KCNS3: variants seen among roughly 807,000 people sequenced by gnomAD.
The protein encoded by KCNS3 is delayed-rectifier potassium channel regulatory subunit KCNS3.
Under a neutral mutation model 31.0 loss-of-function variants are expected in KCNS3, and 13 were observed. That is an observed-to-expected ratio of 0.42 (90% CI 0.27 to 0.67). The LOEUF is 0.67. KCNS3 is among the 30% of genes least tolerant of loss of function. The probability of loss-of-function intolerance (pLI) is 0.25; values close to 1 mark genes in which losing one functional copy is unlikely to be tolerated. For missense variants in KCNS3, 545 were observed against 622.4 expected (o/e 0.88, Z 1.32); for synonymous variants, 238 against 241.5 (o/e 0.99, Z 0.13).
upstream of KCNS3, among the ~76,000 whole-genome samples, chr2:17,878,434 GGGC>G (rs1674555990): frequency 6.6e-6 from 1 of 151,834 alleles, no homozygotes; most frequent in Non-Finnish European, 1.5e-5. Context: ...GCGGCCGGCA[GGGC>G]AGCATCTAGG....
chr2:17,912,457 A>G (rs1662492851), intron 1 of KCNS3, among the ~76,000 whole-genome samples: 1 of 152,232 alleles, frequency 6.6e-6, no homozygotes, highest in Non-Finnish European at 1.5e-5. Flanking sequence ...TTCTGTGGCC[A>G]GGAGCAGTTG....
intron 1 of KCNS3, among the ~76,000 whole-genome samples, chr2:17,897,140 G>A (rs536703035): frequency 6.6e-6 from 1 of 152,138 alleles, no homozygotes; most frequent in Non-Finnish European, 1.5e-5. Flanking sequence ...GTGAGAACAT[G>A]TGGTATTTGA....
intron 2 of KCNS3, among the ~76,000 whole-genome samples, chr2:17,929,919 C>T (rs1662918035): frequency 6.6e-6 from 1 of 152,184 alleles, no homozygotes; most frequent in Non-Finnish European, 1.5e-5. Flanking sequence ...GACTGAATGA[C>T]ATAATGTGTA....
At chr2:17,911,421 A>C (rs1446295762) in intron 1 of KCNS3, among the ~76,000 whole-genome samples, 3 of 152,164 alleles carry the variant, frequency 2.0e-5, no homozygotes, top group Non-Finnish European at 1.5e-5. Flanking sequence ...TTTGATATCT[A>C]TCTCATTCCC....
chr2:17,930,920 A>G (rs1308844194), intron 2 of KCNS3, 30 bp from the exon 3 acceptor site: 32 of 1,451,458 alleles, frequency 2.2e-5, no homozygotes, highest in Non-Finnish European at 2.9e-5. Context: ...GGCAGGACAG[A>G]GTGCTAATAT....
At chr2:17,885,268 TG>T (rs1661617196) in intron 1 of KCNS3, among the ~76,000 whole-genome samples, 2 of 152,172 alleles carry the variant, frequency 1.3e-5, no homozygotes, top group Admixed American at 1.3e-4. Context: ...AGCCACTTTT[TG>T]TGTTTCAGTG....
chr2:17,909,752 C>T (rs1008958113), intron 1 of KCNS3, among the ~76,000 whole-genome samples: 5 of 152,128 alleles, frequency 3.3e-5, no homozygotes, highest in Non-Finnish European at 7.3e-5. Flanking sequence ...ACTGCAGAGG[C>T]CCTGAATTAG....
At chr2:17,897,466 C>A (rs1182028454) in intron 1 of KCNS3, among the ~76,000 whole-genome samples, 2 of 152,206 alleles carry the variant, frequency 1.3e-5, no homozygotes, top group Non-Finnish European at 2.9e-5. Flanking sequence ...AATCTCCAAT[C>A]TGCTTTCCAC....
intron 1 of KCNS3, among the ~76,000 whole-genome samples, chr2:17,902,640 T>C (rs1442789390): frequency 6.6e-6 from 1 of 152,224 alleles, no homozygotes; most frequent in Non-Finnish European, 1.5e-5. Context: ...TTTACTAGTT[T>C]AATATGTAAG....
At chr2:17,906,750 T>G (rs61933339) in intron 1 of KCNS3, among the ~76,000 whole-genome samples, 3 of 152,198 alleles carry the variant, frequency 2.0e-5, no homozygotes, top group Non-Finnish European at 2.9e-5. Flanking sequence ...TTGTTCAGTT[T>G]CCATGTAGTT....
At chr2:17,894,603 T>A (rs1661978098) in intron 1 of KCNS3, among the ~76,000 whole-genome samples, 1 of 152,226 alleles carries the variant, frequency 6.6e-6, no homozygotes, top group South Asian at 2.1e-4. Context: ...GAAACTTTGA[T>A]TGTGAACATC....
intron 1 of KCNS3, among the ~76,000 whole-genome samples, chr2:17,900,770 A>G (rs1327505480): frequency 1.3e-5 from 2 of 152,104 alleles, no homozygotes; most frequent in Non-Finnish European, 2.9e-5. Context: ...GATTACAGGC[A>G]TGAACCACCG....
At position 17,931,418 on chromosome 2, in the gene KCNS3, G is replaced by A; in HGVS notation, c.410G>A (p.Ser137Asn). Reference protein sequence around the residue: ...ENHEKDWDQKSHDVSTDSSFE... With the variant: ...ENHEKDWDQKNHDVSTDSSFE... ...CACGAGAAGGACTGGGACCAGAAAAGCCATGATGTGAGTACCGACTCCTCG... is the reference window on the plus strand; with the variant it reads ...CACGAGAAGGACTGGGACCAGAAAAACCATGATGTGAGTACCGACTCCTCG... Residue 137 changes from serine to asparagine, a missense_variant, in exon 3 of 3, where the codon AGC (serine) becomes AAC (asparagine). Transcript: ENST00000304101. This position sits in a 1 kb window ranked among gnomAD's most constrained non-coding sequence, Gnocchi z 5.4. The A allele has an allele frequency of 6.2e-7, 1 of 1,614,202 alleles. No homozygotes were observed. The highest frequency in any genetic ancestry group is 8.5e-7 in the Non-Finnish European group (1 of 1,180,036).
intron 1 of KCNS3, among the ~76,000 whole-genome samples, chr2:17,908,977 C>T (rs4832516): frequency 0.92 from 139,519 of 152,276 alleles, 64,096 homozygotes; most frequent in East Asian, 0.99. Flanking sequence ...ACCACTACTC[C>T]CTTCAAAGCT....
chr2:17,918,750 T>C (rs925815752), intron 2 of KCNS3, among the ~76,000 whole-genome samples: 3 of 152,206 alleles, frequency 2.0e-5, no homozygotes, highest in Non-Finnish European at 4.4e-5. Context: ...ACAATCAGAC[T>C]TGTGGGGAAT....
At chr2:17,921,903 G>T (rs1261647864) in intron 2 of KCNS3, among the ~76,000 whole-genome samples, 1 of 53,028 alleles carries the variant, frequency 1.9e-5, no homozygotes, top group Non-Finnish European at 3.3e-5. Flanking sequence ...TCATATATAT[G>T]TGTGTGTGTG....
At position 17,923,290 on chromosome 2, in the gene KCNS3, T is replaced by C. The variant is rs201632501; in HGVS notation, c.-60+5419T>C. Among the ~76,000 whole-genome samples the C allele has an allele frequency of 1.1e-4, 16 of 152,314 alleles. No individual in the cohort carries two copies. The East Asian group carries it at 2.9e-3, about 28-fold the overall frequency. ...TTCATAGAAATGTCTATCAAAATTA[T>C]TTGCCCATTTTAAAGGAGTTTATTT... On this transcript the variant is annotated intron_variant, in intron 2 of 2. Coordinates refer to ENST00000304101, the MANE Select transcript of KCNS3 (RefSeq NM_002252.5).
At chr2:17,914,075 G>A (rs536735208) in intron 1 of KCNS3, among the ~76,000 whole-genome samples, 4 of 152,292 alleles carry the variant, frequency 2.6e-5, no homozygotes, top group Non-Finnish European at 4.4e-5. Context: ...AGGTTGGGTC[G>A]GAGTCAGCTA....
intron 2 of KCNS3, among the ~76,000 whole-genome samples, chr2:17,921,911 GTGTGTATATATATATATATATA>G (rs1253145997): frequency 7.6e-4 from 76 of 100,446 alleles, no homozygotes; most frequent in South Asian, 2.3e-3. Context: ...ATGTGTGTGT[GTGTGTATATATATATATATATA>G]TATATATATA....
Sources: allele counts gnomAD v4.1 joint callset (sites outside exome capture counted in the v4.1 genomes callset), GRCh38; gene constraint gnomAD v4.1.1; non-coding constraint Gnocchi (gnomAD v3.1); transcripts MANE v1.5; gene names NCBI Gene and HGNC (gene_info 2026-07-23, HGNC 2026-07-21).